Variants in ZNF536 observed in about 807,000 individuals in gnomAD.
ZNF536 encodes the protein zinc finger protein 536.
ZNF536 carries 13 observed loss-of-function variants against 84.5 expected under a neutral mutation model. The ratio of observed to expected loss-of-function variants is 0.15; its 90% CI spans 0.10 to 0.24. The LOEUF is 0.24. Among genes scored for constraint, ZNF536 ranks in the 10% least tolerant of loss-of-function variants. ZNF536 has a pLI of 1.00. For missense variants in ZNF536, 1,536 were observed against 1,747.5 expected, an observed-to-expected ratio of 0.88 and a Z score of 2.16; for synonymous variants, 811 against 742.5, an observed-to-expected ratio of 1.09 and a Z score of -1.50.
At chr19:30,393,052 T>G (rs1157725742) in intron 1 of ZNF536, among the ~76,000 whole-genome samples, 2 of 152,174 alleles carry the variant, frequency 1.3e-5, no homozygotes, top group African/African-American at 4.8e-5. Flanking sequence ...TGTGAAGCTG[T>G]CTCTGGGGAG....
At position 30,443,958 on chromosome 19, in the gene ZNF536, C is replaced by T. The variant is rs2052189877; in HGVS notation, c.396C>T (p.Cys132=). 1 of 1,613,762 alleles carries T rather than the reference C, an allele frequency of 6.2e-7. No individual in the cohort carries two copies. Among genetic ancestry groups the T allele is most frequent in the Non-Finnish European group, 8.5e-7 (1 of 1,180,024 alleles). Residue 132 remains cysteine (C), a synonymous_variant, in exon 2 of 5, where the codon TGC becomes TGT. Coordinates refer to ENST00000355537, the MANE Select transcript of ZNF536 (RefSeq NM_014717.3). The part of the protein sequence containing the change: ...DDARKNRKYP[C]PLCGKRFRFN... ...CCCGCAAGAACCGCAAGTACCCGTG[C>T]CCACTCTGCGGCAAGCGCTTCCGCT... is the stretch of plus-strand genomic sequence containing the variant.
chr19:30,640,324 G>T (rs2049225050), intron 1 of ZNF536, among the ~76,000 whole-genome samples: 1 of 152,074 alleles, frequency 6.6e-6, no homozygotes, highest in Admixed American at 6.6e-5. Context: ...TTCTAGTTGT[G>T]CTCAATAAGA....
intron 2 of ZNF536, among the ~76,000 whole-genome samples, chr19:30,458,383 C>T (rs1363269355): frequency 6.6e-6 from 1 of 150,916 alleles, no homozygotes; most frequent in Non-Finnish European, 1.5e-5. Context: ...AAGGGTCTTA[C>T]CTGCTGTTCC....
exon 2 of ZNF536, chr19:30,713,499 C>T (rs1025869858): frequency 1.3e-5 from 2 of 152,134 alleles, no homozygotes; most frequent in Non-Finnish European, 2.9e-5. Context: ...GTTGACAGAA[C>T]TTTATTCTGG....
upstream of ZNF536, among the ~76,000 whole-genome samples, chr19:30,227,726 G>T (rs2022697550): frequency 6.6e-6 from 1 of 151,736 alleles, no homozygotes. Flanking sequence ...TTCCTCCTGC[G>T]CCTTCTCCCG....
chr19:30,354,466 CA>C (rs2048031319), intron 3 of ZNF536, among the ~76,000 whole-genome samples: 2 of 152,210 alleles, frequency 1.3e-5, no homozygotes. Flanking sequence ...CTCCTGGGCT[CA>C]AGCAATCCTC....
At chr19:30,314,016 T>G (rs1313587099) in intron 2 of ZNF536, among the ~76,000 whole-genome samples, 4 of 152,228 alleles carry the variant, frequency 2.6e-5, no homozygotes, top group African/African-American at 9.6e-5. Flanking sequence ...CCTTTGGGAC[T>G]GTCAACTCCA....
chr19:30,334,890 G>A (rs369515707), intron 2 of ZNF536, among the ~76,000 whole-genome samples: 2 of 152,170 alleles, frequency 1.3e-5, no homozygotes, highest in Admixed American at 6.5e-5. Flanking sequence ...CCTTGCATGC[G>A]CAGTTCACAA....
At chr19:30,362,837 G>A (rs1467330457) in intron 3 of ZNF536, among the ~76,000 whole-genome samples, 1 of 152,184 alleles carries the variant, frequency 6.6e-6, no homozygotes, top group East Asian at 1.9e-4. Flanking sequence ...GATGTGGGCA[G>A]ATCACAAAGC....
At chr19:30,640,201 C>A (rs2049217962) in intron 1 of ZNF536, among the ~76,000 whole-genome samples, 1 of 149,790 alleles carries the variant, frequency 6.7e-6, no homozygotes, top group African/African-American at 2.5e-5. Flanking sequence ...GAGCCAAGAT[C>A]ACGCCACTGC....
chr19:30,300,093 C>G (rs1287720314), intron 2 of ZNF536, among the ~76,000 whole-genome samples: 1 of 152,160 alleles, frequency 6.6e-6, no homozygotes, highest in East Asian at 1.9e-4. Flanking sequence ...TTATTAATAG[C>G]TATTTGTTAT....
chr19:30,702,356 T>C (rs918710073), intron 1 of ZNF536, among the ~76,000 whole-genome samples: 3 of 151,988 alleles, frequency 2.0e-5, no homozygotes, highest in Non-Finnish European at 4.4e-5. Flanking sequence ...GCAGCGACAA[T>C]ACAAATTAAC....
At chr19:30,489,732 G>A (rs1490406086) in intron 2 of ZNF536, among the ~76,000 whole-genome samples, 1 of 152,188 alleles carries the variant, frequency 6.6e-6, no homozygotes, top group Non-Finnish European at 1.5e-5. Context: ...TTAGAAAGAA[G>A]TCTATAAAAG....
intron 2 of ZNF536, among the ~76,000 whole-genome samples, chr19:30,327,977 A>T (rs574230714): frequency 4.7e-4 from 72 of 152,086 alleles, no homozygotes; most frequent in South Asian, 3.9e-3. Flanking sequence ...GACAGGTCAG[A>T]CTCTGTGCCC....
At chr19:30,300,141 C>A (rs1248627877) in intron 2 of ZNF536, among the ~76,000 whole-genome samples, 1 of 152,138 alleles carries the variant, frequency 6.6e-6, no homozygotes, top group Non-Finnish European at 1.5e-5. Context: ...ATTATACCCT[C>A]CTCAAGTTTT....
chr19:30,550,115 C>T (rs2045717879), intron 4 of ZNF536, among the ~76,000 whole-genome samples: 1 of 152,192 alleles, frequency 6.6e-6, no homozygotes, highest in African/African-American at 2.4e-5. Flanking sequence ...GCCTTCTGCG[C>T]TTGCCTTCTG....
At chr19:30,671,564 G>A (rs1055758526) in intron 1 of ZNF536, among the ~76,000 whole-genome samples, 8 of 152,248 alleles carry the variant, frequency 5.3e-5, no homozygotes, top group Non-Finnish European at 7.4e-5. Context: ...GGGAAGCGGG[G>A]CAGGGGTGGA....
chr19:30,566,118 G>T (rs759684759), intron 1 of ZNF536, among the ~76,000 whole-genome samples: 1 of 152,232 alleles, frequency 6.6e-6, no homozygotes, highest in South Asian at 2.1e-4. Context: ...ATCAGTCGTG[G>T]CCTTTGGGCA....
chr19:30,308,428 G>A (rs574317919), intron 2 of ZNF536, among the ~76,000 whole-genome samples: 37 of 152,176 alleles, frequency 2.4e-4, no homozygotes, highest in Non-Finnish European at 4.9e-4. Flanking sequence ...ACTGAAATGG[G>A]GTGGGAGAAA....
Sources: allele counts gnomAD v4.1 joint callset (sites outside exome capture counted in the v4.1 genomes callset), GRCh38; gene constraint gnomAD v4.1.1; transcripts MANE v1.5; gene names NCBI Gene and HGNC (gene_info 2026-07-23, HGNC 2026-07-21).